The following YWHAE variants were observed in gnomAD, a reference collection of about 807,000 sequenced individuals.
The protein encoded by YWHAE is tyrosine 3-monooxygenase/tryptophan 5-monooxygenase activation protein epsilon.
Under a neutral mutation model 30.1 loss-of-function variants are expected in YWHAE, and 4 were observed. The ratio of observed to expected loss-of-function variants is 0.13; its 90% confidence interval spans 0.07 to 0.30. YWHAE has a LOEUF of 0.30. YWHAE is among the 10% of genes least tolerant of loss of function. YWHAE has a pLI of 1.00. For synonymous variants in YWHAE, 118 were observed against 111.8 expected (o/e 1.06, Z -0.35); for missense variants, 121 against 315.9 (o/e 0.38, Z 4.68).
intron 1 of YWHAE, chr17:1,369,560 A>C (rs2072998341): frequency 6.6e-6 from 1 of 152,086 alleles, no homozygotes; most frequent in South Asian, 2.1e-4. Flanking sequence ...CAATCATCAT[A>C]ATTTTAGATT....
intron 1 of YWHAE, among the ~76,000 whole-genome samples, chr17:1,397,531 G>A (rs369975102): frequency 6.6e-6 from 1 of 152,244 alleles, no homozygotes; most frequent in African/African-American, 2.4e-5. Context: ...ATTCAACACA[G>A]CAAGCAAAAT....
intron 1 of YWHAE, among the ~76,000 whole-genome samples, chr17:1,388,171 C>T (rs2073335927): frequency 8.9e-6 from 1 of 111,758 alleles, no homozygotes; most frequent in Non-Finnish European, 1.7e-5. Context: ...CCCTGTTGGT[C>T]AGGCTTGTCT....
chr17:1,394,460 A>AAAAAAAAAAAC (rs1555647412), intron 1 of YWHAE, among the ~76,000 whole-genome samples: 4 of 137,624 alleles, frequency 2.9e-5, no homozygotes, highest in African/African-American at 8.6e-5. Context: ...AAAAAAAAAA[A>AAAAAAAAAAAC]ACACAAAAAT....
Position 1,382,080 on chromosome 17 carries a change from G to T in YWHAE, c.65-17022C>A, listed in dbSNP as rs570797075. ...TTTGTTTGTTTTGAGATGGAGTCTC[G>T]CTCTGTCACCCAGGCTGGAGTGCAG... On this transcript the variant is annotated intron_variant, in intron 1 of 5. Coordinates refer to ENST00000264335, the MANE Select transcript of YWHAE (RefSeq NM_006761.5). 2.6e-5 allele frequency among the ~76,000 whole-genome samples: 4 copies of T among 151,256 alleles called. No individual in the cohort carries two copies. The South Asian group carries it at 6.3e-4, about 24-fold the overall frequency.
intron 5 of YWHAE, among the ~76,000 whole-genome samples, chr17:1,346,454 T>C (rs761049155): frequency 6.6e-6 from 1 of 152,232 alleles, no homozygotes; most frequent in Non-Finnish European, 1.5e-5. Flanking sequence ...TTCATAATGC[T>C]TGTTAAATTA....
intron 1 of YWHAE, among the ~76,000 whole-genome samples, chr17:1,390,634 C>A (rs140731993): frequency 3.3e-3 from 498 of 152,282 alleles, no homozygotes; most frequent in Non-Finnish European, 5.0e-3. Context: ...CCCAGTGATT[C>A]CTGTGCATTC....
At chr17:1,375,707 A>G in intron 1 of YWHAE, among the ~76,000 whole-genome samples, 1 of 152,188 alleles carries the variant, frequency 6.6e-6, no homozygotes, top group Non-Finnish European at 1.5e-5. Context: ...CCTTCATTGT[A>G]TGGTAATAGC....
chr17:1,354,036 G>A (rs2072685877), intron 5 of YWHAE, among the ~76,000 whole-genome samples, 175 bp downstream of exon 5: 1 of 152,098 alleles, frequency 6.6e-6, no homozygotes, highest in South Asian at 2.1e-4. Flanking sequence ...TTCCCAAAAT[G>A]GAACTCCGTA....
intron 4 of YWHAE, among the ~76,000 whole-genome samples, chr17:1,356,171 A>ACACACACAC (rs2072737906): frequency 1.7e-4 from 24 of 142,972 alleles, no homozygotes; most frequent in African/African-American, 6.1e-4. Flanking sequence ...TCCGTCTAAA[A>ACACACACAC]ACACACACAC....
chr17:1,351,013 C>T (rs893076587), intron 5 of YWHAE, among the ~76,000 whole-genome samples: 2 of 150,740 alleles, frequency 1.3e-5, no homozygotes, highest in Admixed American at 6.6e-5. Context: ...GAGCCGAGAT[C>T]GCACCATTGC....
chr17:1,359,980 T>G, intron 4 of YWHAE, among the ~76,000 whole-genome samples: 2 of 142,896 alleles, frequency 1.4e-5, no homozygotes, highest in South Asian at 2.3e-4. Context: ...GAGAGAGATT[T>G]GAAAAAAAGT....
chr17:1,361,197 A>G lies in YWHAE; in HGVS notation c.473T>C (p.Ile158Thr), dbSNP rs367874985. The stretch of plus-strand genomic sequence containing the variant: ...CGTTGGTGGAAGTTCTGTCATTGCA[A>G]TATCACTAGCAGCTTTATAAGCCAC... ...SLVAYKAASDIAMTELPPTHP... is the reference protein window; with the variant it reads ...SLVAYKAASDTAMTELPPTHP... Residue 158 changes from isoleucine (I) to threonine (T), a missense_variant, in exon 4 of 6, where the codon ATT becomes ACT. Coordinates refer to ENST00000264335, the MANE Select transcript of YWHAE (RefSeq NM_006761.5). The G allele has an allele frequency of 2.2e-5, 36 of 1,614,010 alleles. No individual in the cohort carries two copies. Among genetic ancestry groups the G allele is most frequent in the Non-Finnish European group, 2.8e-5 (33 of 1,180,044 alleles).
At chr17:1,352,148 G>A (rs2072645510) in intron 5 of YWHAE, 1 of 152,178 alleles carries the variant, frequency 6.6e-6, no homozygotes, top group Non-Finnish European at 1.5e-5. Flanking sequence ...AGTCCCAAGG[G>A]CTGGGAGTAG....
rs538429056 is a variant in YWHAE, at chr17:1,390,134, G to A, written c.64+9913C>T. Among the ~76,000 whole-genome samples the A allele has an allele frequency of 2.0e-5, 3 of 152,262 alleles. No homozygotes were observed. In the South Asian group the frequency reaches 6.2e-4, roughly 32 times the overall value. ...GCTGGGATTACAGGTGTGAGCCACT[G>A]CACCCAGCCTACATTTTCATATTAC... is the stretch of plus-strand genomic sequence containing the variant. On this transcript the variant is annotated intron_variant, in intron 1 of 5. Transcript: ENST00000264335.
chr17:1,353,941 T>C (rs925038090), intron 5 of YWHAE, among the ~76,000 whole-genome samples: 2 of 152,230 alleles, frequency 1.3e-5, no homozygotes, highest in Middle Eastern at 3.4e-3. Context: ...TAAAATTGAA[T>C]TGAATGAAGA....
intron 4 of YWHAE, among the ~76,000 whole-genome samples, chr17:1,358,867 G>A (rs376580521): frequency 4.0e-5 from 6 of 149,688 alleles, no homozygotes; most frequent in African/African-American, 1.2e-4. Context: ...AAGCACAGTG[G>A]CTCACACCTG....
chr17:1,361,262 G>A lies in YWHAE; in HGVS notation c.408C>T (p.Ala136=), dbSNP rs752894008. The change falls in exon 4 of 6, where the codon GCC becomes GCT. Residue 136 remains alanine, a synonymous_variant. Transcript: ENST00000264335. Reference sequence around the variant, plus strand: ...CAGCCTCCTTCCTGTCGTTTCCTGTGGCAAATTCTGCCAGATACCTGTGGT... The same window carrying A: ...CAGCCTCCTTCCTGTCGTTTCCTGTAGCAAATTCTGCCAGATACCTGTGGT... ...GDYHRYLAEF[A]TGNDRKEAAE... is the part of the protein sequence containing the mutation. 5.6e-6 allele frequency: 9 copies of A among 1,611,292 alleles called. No individual in the cohort carries two copies. The highest frequency in any genetic ancestry group is 7.6e-6 in the Non-Finnish European group (9 of 1,179,002).
At chr17:1,371,678 T>C (rs943903424) in intron 1 of YWHAE, among the ~76,000 whole-genome samples, 2 of 150,980 alleles carry the variant, frequency 1.3e-5, no homozygotes, top group African/African-American at 5.0e-5. Flanking sequence ...ACACACTGAC[T>C]TCTCTCTAGT....
At chr17:1,353,624 G>A (rs2072678268) in intron 5 of YWHAE, among the ~76,000 whole-genome samples, 1 of 151,808 alleles carries the variant, frequency 6.6e-6, no homozygotes, top group African/African-American at 2.4e-5. Context: ...CTAGGTAGTC[G>A]TGATAACGGG....
Sources: gnomAD v4.1 joint callset for allele counts (sites outside exome capture counted in the v4.1 genomes callset) on GRCh38, gnomAD v4.1.1 for gene constraint, MANE v1.5 for transcripts, NCBI Gene and HGNC (gene_info 2026-07-23, HGNC 2026-07-21) for gene names.